SPIDR: variants seen among roughly 807,000 people sequenced by gnomAD.
SPIDR encodes DNA repair-scaffolding protein.
Under a neutral mutation model 104.6 loss-of-function variants are expected in SPIDR, and 93 were observed. The observed-to-expected ratio is 0.89, with a 90% CI of 0.75 to 1.06. SPIDR has a LOEUF of 1.06. Ranked by LOEUF, SPIDR falls within the 50% of genes least tolerant of loss-of-function variation. The pLI is 0.00. For synonymous variants in SPIDR, 431 were observed against 416.9 expected, an observed-to-expected ratio of 1.03 and a Z score of -0.41; for missense variants, 1,154 against 1,111.2, an observed-to-expected ratio of 1.04 and a Z score of -0.55.
chr8:47,387,589 G>A (rs2060104526), intron 5 of SPIDR, among the ~76,000 whole-genome samples: 1 of 152,190 alleles, frequency 6.6e-6, no homozygotes, highest in Admixed American at 6.5e-5. Context: ...ATTGATCCAG[G>A]TGATACTGAG....
chr8:47,351,499 G>A (rs971778106), intron 5 of SPIDR, among the ~76,000 whole-genome samples: 3 of 152,174 alleles, frequency 2.0e-5, no homozygotes, highest in South Asian at 2.1e-4. Context: ...GCAGGCTGGA[G>A]TATGGGACCA....
At chr8:47,452,796 TG>T (rs1269083151) in intron 8 of SPIDR, among the ~76,000 whole-genome samples, 6 of 152,166 alleles carry the variant, frequency 3.9e-5, no homozygotes, top group African/African-American at 1.4e-4. Context: ...CTTTGAAAAC[TG>T]GCACAAGACA....
chr8:47,671,725 T>A (rs2075826422), intron 10 of SPIDR, among the ~76,000 whole-genome samples: 1 of 152,222 alleles, frequency 6.6e-6, no homozygotes, highest in Non-Finnish European at 1.5e-5. Context: ...ATATTCCATG[T>A]CTTCTGGCGT....
intron 8 of SPIDR, among the ~76,000 whole-genome samples, chr8:47,455,635 A>C (rs1350903404): frequency 6.6e-6 from 1 of 152,128 alleles, no homozygotes; most frequent in Non-Finnish European, 1.5e-5. Flanking sequence ...AAGAGAATCA[A>C]ATTAAACATA....
At chr8:47,566,601 T>C (rs1196749027) in intron 8 of SPIDR, among the ~76,000 whole-genome samples, 1 of 152,052 alleles carries the variant, frequency 6.6e-6, no homozygotes, top group African/African-American at 2.4e-5. Context: ...TTTTATTTTT[T>C]TTATTTTTTG....
intron 5 of SPIDR, among the ~76,000 whole-genome samples, chr8:47,301,542 A>C (rs2042090938): frequency 6.6e-6 from 1 of 150,612 alleles, no homozygotes; most frequent in Non-Finnish European, 1.5e-5. Flanking sequence ...CCTAGCCTTG[A>C]TGGTCTTTGC....
intron 10 of SPIDR, among the ~76,000 whole-genome samples, chr8:47,626,870 C>G (rs899716950): frequency 2.0e-5 from 3 of 152,100 alleles, no homozygotes; most frequent in Non-Finnish European, 2.9e-5. Flanking sequence ...CCATTTGACC[C>G]AGCCATCCCA....
intron 10 of SPIDR, among the ~76,000 whole-genome samples, chr8:47,611,364 C>G (rs2063577426): frequency 6.6e-6 from 1 of 151,960 alleles, no homozygotes; most frequent in Non-Finnish European, 1.5e-5. Flanking sequence ...AGGAAAGTGG[C>G]AAGGGAGGAA....
intron 8 of SPIDR, among the ~76,000 whole-genome samples, chr8:47,503,666 A>G (rs2080953750): frequency 6.6e-6 from 1 of 152,094 alleles, no homozygotes; most frequent in African/African-American, 2.4e-5. Context: ...TGTGAATTTG[A>G]TCCTGTCTTT....
At chr8:47,633,547 T>A (rs1453333730) in intron 10 of SPIDR, among the ~76,000 whole-genome samples, 3 of 124,524 alleles carry the variant, frequency 2.4e-5, no homozygotes, top group African/African-American at 3.2e-5. Context: ...AGACTAGATA[T>A]GCAAATGATT....
chr8:47,360,883 G>A (rs1222627286), intron 5 of SPIDR: 10 of 985,298 alleles, frequency 1.0e-5, no homozygotes, highest in Non-Finnish European at 1.2e-5. Flanking sequence ...CACAGACACT[G>A]CTTTGGTGCT....
intron 8 of SPIDR, among the ~76,000 whole-genome samples, chr8:47,486,267 A>C (rs1269497760): frequency 1.3e-5 from 2 of 152,240 alleles, no homozygotes; most frequent in African/African-American, 4.8e-5. Context: ...CTGGAGATCA[A>C]ATGAATGAAA....
Position 47,598,970 on chromosome 8 carries a change from A to G in SPIDR, c.1318A>G (p.Thr440Ala), listed in dbSNP as rs1360661101. 1 of 1,613,960 alleles carries G rather than the reference A, an allele frequency of 6.2e-7. No individual in the cohort carries two copies. The highest frequency in any genetic ancestry group is 1.7e-5 in the Admixed American group (1 of 60,000). ...IQVVCSGVAT[T>A]GTAWTHGHKE... is the part of the protein sequence containing the mutation. ...GGTTGTGTGTAGTGGTGTAGCCACT[A>G]CAGGGACAGCCTGGACCCATGGGCA... is the stretch of plus-strand genomic sequence containing the variant. Residue 440 changes from threonine to alanine, a missense_variant, in exon 10 of 20, where the codon ACA becomes GCA. Coordinates refer to ENST00000297423, the MANE Select transcript of SPIDR (RefSeq NM_001080394.4).
chr8:47,328,518 T>G (rs1457197393), intron 5 of SPIDR, among the ~76,000 whole-genome samples: 1 of 152,008 alleles, frequency 6.6e-6, no homozygotes, highest in Non-Finnish European at 1.5e-5. Context: ...TCCCAAAGTG[T>G]TGGTGATAAC....
rs182958399 is a variant in SPIDR at position 47,529,066 on chromosome 8, A to C, written c.1098-66745A>C. Among the ~76,000 whole-genome samples, 199 of 152,348 alleles carry C rather than the reference A, an allele frequency of 1.3e-3. 1 individual carries two copies. Among genetic ancestry groups the C allele is most frequent in the African/African-American group, 4.5e-3 (188 of 41,590 alleles). ...TACCACCTATAGCGGAAGAAGAATA[A>C]GAATTACATCAGACTTCCCTTCAGA... On this transcript the variant is annotated intron_variant, in intron 8 of 19. Transcript: ENST00000297423.
intron 5 of SPIDR, among the ~76,000 whole-genome samples, chr8:47,373,440 C>T (rs1288175279): frequency 6.6e-6 from 1 of 151,492 alleles, no homozygotes; most frequent in Non-Finnish European, 1.5e-5. Context: ...ATTCAAAGTA[C>T]TTGAAATTTC....
intron 7 of SPIDR, among the ~76,000 whole-genome samples, chr8:47,427,273 CAAGGATTA>C (rs2066565099): frequency 6.8e-6 from 1 of 147,442 alleles, no homozygotes. Flanking sequence ...AAGCAGTTAA[CAAGGATTA>C]CCATTGGAAA....
chr8:47,347,644 G>A (rs1220939300), intron 5 of SPIDR, among the ~76,000 whole-genome samples: 1 of 152,036 alleles, frequency 6.6e-6, no homozygotes, highest in Non-Finnish European at 1.5e-5. Flanking sequence ...TTCTTTATTG[G>A]GTGCATACAT....
Position 47,606,136 on chromosome 8 carries a change from A to G in SPIDR, c.1544+6940A>G, listed in dbSNP as rs1025053668. ...ATACGGAAGTTCCTCTGGAATAAAC[A>G]TATTGCAGAAAACTGCCCTAATGCT... On this transcript the variant is annotated intron_variant, in intron 10 of 19. Transcript: ENST00000297423. Among the ~76,000 whole-genome samples, 8 of 152,294 alleles carry G rather than the reference A, an allele frequency of 5.3e-5. No homozygotes were observed. The East Asian group carries it at 1.5e-3, about 29-fold the overall frequency.
Sources: allele counts gnomAD v4.1 joint callset (sites outside exome capture counted in the v4.1 genomes callset), GRCh38; gene constraint gnomAD v4.1.1; transcripts MANE v1.5; gene names NCBI Gene and HGNC (gene_info 2026-07-23, HGNC 2026-07-21).